Variants in SRPRA observed in about 807,000 individuals in gnomAD.
SRPRA encodes signal recognition particle receptor subunit alpha.
SRPRA carries 30 observed loss-of-function variants against 61.1 expected under a neutral mutation model. That is an observed-to-expected ratio of 0.49 (90% CI 0.37 to 0.67). The LOEUF (loss-of-function observed/expected upper bound fraction) is 0.67. Ranked by LOEUF, SRPRA falls within the 30% of genes least tolerant of loss-of-function variation. The pLI is 0.00. For synonymous variants in SRPRA, 324 were observed against 299.7 expected (o/e 1.08, Z -0.84); for missense variants, 759 against 828.4 (o/e 0.92, Z 1.03).
chr11:126,249,008 A>G, the SRPRA span, among the ~76,000 whole-genome samples: 1 of 152,310 alleles, frequency 6.6e-6, no homozygotes, highest in African/African-American at 2.4e-5. Flanking sequence ...ATAGTTCCTC[A>G]TTAGTACTCA....
the SRPRA span, chr11:126,256,593 CAAGTCATT>C: frequency 6.2e-7 from 1 of 1,613,856 alleles, no homozygotes; most frequent in Non-Finnish European, 8.5e-7. The surrounding 1 kb of genome is among the most constrained non-coding windows in gnomAD (Gnocchi z 6.6). Flanking sequence ...TCTACGAAAA[CAAGTCATT>C]TCTTTTCCTG....
At chr11:126,251,046 G>T in the SRPRA span, among the ~76,000 whole-genome samples, 1 of 152,156 alleles carries the variant, frequency 6.6e-6, no homozygotes, top group Non-Finnish European at 1.5e-5. Flanking sequence ...GTGTAATATT[G>T]ATAATGCTGG....
rs1950741359 is a variant in SRPRA at position 126,263,335 on chromosome 11, C to T, written c.*581G>A. On this transcript the variant is annotated 3_prime_UTR_variant, in exon 14 of 14. Coordinates refer to ENST00000332118, the MANE Select transcript of SRPRA (RefSeq NM_003139.4). ...GGACTCATCTTTTGCTCATTTGTAA[C>T]AAATCACTCCAGCCTAGCTGATGCT... 2 of 152,672 alleles carry T rather than the reference C, an allele frequency of 1.3e-5. No individual in the cohort carries two copies. Among genetic ancestry groups the T allele is most frequent in the South Asian group, 4.1e-4 (2 of 4,832 alleles). 9.5% of individuals were successfully genotyped at this position (152,672 alleles called of 1,614,324 possible). A position where few individuals can be genotyped will look rare whatever the true frequency, so the allele number is the denominator to read the frequency against.
In SRPRA at chr11:126,263,913, A is replaced by C; in HGVS notation, c.*3T>G. 1 of 1,613,792 alleles carries C rather than the reference A, an allele frequency of 6.2e-7. No homozygotes were observed. Among genetic ancestry groups the C allele is most frequent in the Non-Finnish European group, 8.5e-7 (1 of 1,179,904 alleles). The stretch of plus-strand genomic sequence containing the variant: ...GGCGATTTGGTATTGGGCAAGAGCC[A>C]CGTTAAGCCTTCATGAGGGCAGCCA... On this transcript the variant is annotated 3_prime_UTR_variant, in exon 14 of 14. Transcript: ENST00000332118.
At position 126,265,364 on chromosome 11, in the gene SRPRA, C is replaced by G. The variant is rs142362732; in HGVS notation, c.1215G>C (p.Met405Ile). The change falls in exon 10 of 14, where the codon ATG (methionine) becomes ATC (isoleucine). Residue 405 changes from methionine to isoleucine, a missense_variant. Met to Ile is a conservative substitution (Grantham distance 10, BLOSUM62 1). Transcript: ENST00000332118. The surrounding 1 kb of genome is among the most constrained non-coding windows in gnomAD (Gnocchi z 6.3). Reference protein sequence around the residue: ...QILQPQRRVDMLRDIMDAQRR... With the variant: ...QILQPQRRVDILRDIMDAQRR... ...GCTGGGCATCCATGATGTCCCGGAGCATGTCTACACGACGCTGTGGCTGCA... is the reference window on the plus strand; with the variant it reads ...GCTGGGCATCCATGATGTCCCGGAGGATGTCTACACGACGCTGTGGCTGCA... The G allele has an allele frequency of 1.9e-4, 299 of 1,613,328 alleles. No homozygotes were observed. Among genetic ancestry groups the G allele is most frequent in the Non-Finnish European group, 2.4e-4 (289 of 1,179,836 alleles).
downstream of SRPRA, chr11:126,261,330 C>T (rs1046041734): frequency 1.3e-5 from 12 of 947,124 alleles, 1 homozygote; most frequent in South Asian, 2.8e-5. Context: ...CCTTTTCAGT[C>T]GTACCATATG....
chr11:126,267,414 C>G lies in SRPRA; in HGVS notation c.366-79G>C, dbSNP rs1402652696. 3 of 1,592,618 alleles carry G rather than the reference C, an allele frequency of 1.9e-6. No individual in the cohort carries two copies. The highest frequency in any genetic ancestry group is 2.6e-6 in the Non-Finnish European group (3 of 1,168,464). On this transcript the variant is annotated intron_variant, in intron 3 of 13. Transcript: ENST00000332118. The surrounding 1 kb of genome is among the most constrained non-coding windows in gnomAD (Gnocchi z 4.2). ...ACGGTCCAGAGAAAGGACTCTCACA[C>G]CCAAGAGGACAATGAGAACTGGGTA... is the stretch of plus-strand genomic sequence containing the variant.
the SRPRA span, among the ~76,000 whole-genome samples, chr11:126,245,967 GC>G: frequency 6.6e-6 from 1 of 150,476 alleles, no homozygotes; most frequent in Non-Finnish European, 1.5e-5. Flanking sequence ...TTGCACTCCA[GC>G]CTGGGCAACA....
the SRPRA span, among the ~76,000 whole-genome samples, chr11:126,254,741 A>T: frequency 6.6e-6 from 1 of 152,200 alleles, no homozygotes; most frequent in South Asian, 2.1e-4. Flanking sequence ...CAGGAAGATT[A>T]GTTGAGACTA....
Position 126,265,657 on chromosome 11 carries a change from A to T in SRPRA, c.1138+80T>A. On this transcript the variant is annotated intron_variant, in intron 9 of 13. Coordinates refer to ENST00000332118, the MANE Select transcript of SRPRA (RefSeq NM_003139.4). This position sits in a 1 kb window ranked among gnomAD's most constrained non-coding sequence, Gnocchi z 6.3. ...GGTTTAGAGGTTAAGGAATTTGCCG[A>T]AAGTCACATACCTAGTAAGAACTGA... is the stretch of plus-strand genomic sequence containing the variant. The T allele has an allele frequency of 6.6e-7, 1 of 1,514,142 alleles. No homozygotes were observed. The highest frequency in any genetic ancestry group is 9.1e-7 in the Non-Finnish European group (1 of 1,096,010). The allele number at this position is 1,514,142 out of a possible 1,614,324, so 93.8% of individuals were successfully genotyped here.
At chr11:126,244,097 C>G in the SRPRA span, among the ~76,000 whole-genome samples, 2 of 152,048 alleles carry the variant, frequency 1.3e-5, no homozygotes, top group African/African-American at 4.8e-5. The surrounding 1 kb of genome is among the most constrained non-coding windows in gnomAD (Gnocchi z 4.5). Flanking sequence ...GTAACTACCT[C>G]AACACGATAA....
chr11:126,248,751 G>A, the SRPRA span, among the ~76,000 whole-genome samples: 2 of 152,058 alleles, frequency 1.3e-5, no homozygotes, highest in African/African-American at 2.4e-5. Context: ...ATGGAGGCAC[G>A]GCCCTCGTGA....
downstream of SRPRA, among the ~76,000 whole-genome samples, chr11:126,258,111 A>C (rs1371057912): frequency 6.6e-6 from 1 of 152,192 alleles, no homozygotes; most frequent in East Asian, 1.9e-4. Context: ...GCATCTTAGG[A>C]GGGCAAAAGT....
downstream of SRPRA, chr11:126,260,496 C>A (rs1220994094): frequency 6.6e-6 from 1 of 151,444 alleles, no homozygotes; most frequent in Non-Finnish European, 1.5e-5. Flanking sequence ...TTTTATATTC[C>A]AGTAGGGGTG....
At chr11:126,249,749 A>G in the SRPRA span, among the ~76,000 whole-genome samples, 133 of 141,284 alleles carry the variant, frequency 9.4e-4, no homozygotes, top group African/African-American at 2.6e-3. Flanking sequence ...AAAAAAAAAA[A>G]AAAAAGAAAA....
At chr11:126,255,294 T>C in the SRPRA span, among the ~76,000 whole-genome samples, 54 of 152,226 alleles carry the variant, frequency 3.5e-4, no homozygotes, top group African/African-American at 1.3e-3. This position sits in a 1 kb window ranked among gnomAD's most constrained non-coding sequence, Gnocchi z 4.6. Flanking sequence ...GTTTGCTGTT[T>C]TCAGGACTGG....
At chr11:126,245,294 T>G in the SRPRA span, 1 of 147,318 alleles carries the variant, frequency 6.8e-6, no homozygotes, top group African/African-American at 2.5e-5. Flanking sequence ...AAAAAAAAAA[T>G]TAAAACTTCA....
At chr11:126,242,913 C>G in the SRPRA span, among the ~76,000 whole-genome samples, 1 of 152,192 alleles carries the variant, frequency 6.6e-6, no homozygotes, top group Non-Finnish European at 1.5e-5. Flanking sequence ...CAACTGTACA[C>G]TCATGTTCAT....
the SRPRA span, among the ~76,000 whole-genome samples, chr11:126,244,806 AAAAT>A: frequency 2.0e-5 from 3 of 152,154 alleles, no homozygotes; most frequent in African/African-American, 2.4e-5. The surrounding 1 kb of genome is among the most constrained non-coding windows in gnomAD (Gnocchi z 4.5). Context: ...TCCATCTCAA[AAAAT>A]AAATAAATAA....
Sources: gnomAD v4.1 joint callset for allele counts (sites outside exome capture counted in the v4.1 genomes callset) on GRCh38, gnomAD v4.1.1 for gene constraint, Gnocchi (gnomAD v3.1) non-coding constraint, MANE v1.5 for transcripts, NCBI Gene and HGNC (gene_info 2026-07-23, HGNC 2026-07-21) for gene names.